Variants in FOXP1 observed in about 807,000 individuals in gnomAD.
FOXP1 encodes forkhead box protein P1.
In FOXP1, 15 loss-of-function variants were observed where a neutral mutation model predicts 98.2. The observed-to-expected ratio is 0.15, with a 90% CI of 0.10 to 0.24. The LOEUF (loss-of-function observed/expected upper bound fraction) is 0.24. Ranked by LOEUF, FOXP1 falls within the 10% of genes least tolerant of loss-of-function variation. The pLI, the probability that FOXP1 is intolerant of heterozygous loss-of-function variation, is 1.00. For missense variants in FOXP1, 633 were observed against 848.5 expected (o/e 0.75, Z 3.15); for synonymous variants, 371 against 314.5 (o/e 1.18, Z -1.90).
At chr3:71,318,109 T>C (rs2075183140) in intron 4 of FOXP1, among the ~76,000 whole-genome samples, 1 of 151,616 alleles carries the variant, frequency 6.6e-6, no homozygotes, top group African/African-American at 2.4e-5. Context: ...TTTTAAAAAA[T>C]GTAGTGATAA....
chr3:70,984,600 A>T (rs923891313), intron 14 of FOXP1, among the ~76,000 whole-genome samples: 15 of 152,186 alleles, frequency 9.9e-5, no homozygotes, highest in African/African-American at 3.4e-4. Flanking sequence ...CTCAAGAAAT[A>T]TTTGTTGATG....
chr3:71,465,333 G>A lies in FOXP1; in HGVS notation c.-168+28093C>T, dbSNP rs1417708443. On this transcript the variant is annotated intron_variant, in intron 3 of 20. Transcript: ENST00000649528. ...AGAAAAAAAAAAAAAAAAAGAAGAA[G>A]AAGAAGAAGAAGAAGAAGAGGGCCA... Among the ~76,000 whole-genome samples, 316 of 147,922 alleles carry A rather than the reference G, an allele frequency of 2.1e-3. 1 individual carries two copies. Among genetic ancestry groups the A allele is most frequent in the African/African-American group, 7.7e-3 (305 of 39,796 alleles).
At chr3:71,413,859 G>A (rs535603923) in intron 3 of FOXP1, among the ~76,000 whole-genome samples, 1 of 152,124 alleles carries the variant, frequency 6.6e-6, no homozygotes, top group Admixed American at 6.5e-5. Flanking sequence ...CTCGTTACCT[G>A]TAGGCACTTT....
intron 4 of FOXP1, among the ~76,000 whole-genome samples, chr3:71,325,704 C>T (rs1213567958): frequency 3.3e-5 from 5 of 151,512 alleles, no homozygotes; most frequent in Non-Finnish European, 1.5e-5. Context: ...AGGTGGGTCT[C>T]ACTATGTTGT....
intron 4 of FOXP1, among the ~76,000 whole-genome samples, chr3:71,341,935 T>C (rs1345830959): frequency 6.6e-6 from 1 of 152,218 alleles, no homozygotes; most frequent in Non-Finnish European, 1.5e-5. Flanking sequence ...ATGAGTCGCT[T>C]CTCAATGATT....
At chr3:71,241,807 C>G (rs1056230257) in intron 5 of FOXP1, among the ~76,000 whole-genome samples, 1 of 152,162 alleles carries the variant, frequency 6.6e-6, no homozygotes, top group Admixed American at 6.5e-5. Context: ...ATTAGCATAT[C>G]AAAGTGATTG....
At chr3:71,326,554 T>C (rs1175497618) in intron 4 of FOXP1, among the ~76,000 whole-genome samples, 2 of 152,112 alleles carry the variant, frequency 1.3e-5, no homozygotes, top group Admixed American at 6.5e-5. Context: ...TCAAGAGATG[T>C]GTTGTGAAAA....
At chr3:71,430,299 TA>T (rs1405102836) in intron 3 of FOXP1, among the ~76,000 whole-genome samples, 1 of 152,120 alleles carries the variant, frequency 6.6e-6, no homozygotes, top group Non-Finnish European at 1.5e-5. Context: ...GCACACACAG[TA>T]AAATGAGCAG....
In FOXP1 at chr3:71,359,603, C is replaced by T. The variant is rs2078410404; in HGVS notation, c.-167-359G>A. On this transcript the variant is annotated intron_variant, in intron 3 of 20. Transcript: ENST00000649528. Reference sequence around the variant, plus strand: ...TCGCTCTGCCACTCAGGCTGGAGTGCAGGGCACATTCAGGGCTCACTGCAG... The same window carrying T: ...TCGCTCTGCCACTCAGGCTGGAGTGTAGGGCACATTCAGGGCTCACTGCAG... Among the ~76,000 whole-genome samples, 3 of 152,122 alleles carry T rather than the reference C, an allele frequency of 2.0e-5. No individual in the cohort carries two copies. In the South Asian group the frequency reaches 6.2e-4, roughly 32 times the overall value.
chr3:71,317,749 T>G (rs903535973), intron 4 of FOXP1, among the ~76,000 whole-genome samples: 1 of 152,178 alleles, frequency 6.6e-6, no homozygotes, highest in African/African-American at 2.4e-5. Flanking sequence ...CAATTGTTAT[T>G]TTCTTAAGTG....
intron 6 of FOXP1, among the ~76,000 whole-genome samples, chr3:71,163,705 T>A (rs1362106652): frequency 6.6e-6 from 1 of 152,154 alleles, no homozygotes; most frequent in Non-Finnish European, 1.5e-5. Flanking sequence ...GTTTAGTTCA[T>A]CATTCCTATG....
intron 3 of FOXP1, among the ~76,000 whole-genome samples, chr3:71,454,791 C>G (rs1236500791): frequency 8.4e-6 from 1 of 118,892 alleles, no homozygotes; most frequent in African/African-American, 2.8e-5. Flanking sequence ...AACTTGTTTT[C>G]TTTAAAAAAA....
chr3:71,020,668 C>G (rs1175283793), intron 11 of FOXP1, among the ~76,000 whole-genome samples: 1 of 152,200 alleles, frequency 6.6e-6, no homozygotes, highest in Admixed American at 6.5e-5. Flanking sequence ...ATCTGCCAAG[C>G]CATTTCCTGC....
intron 20 of FOXP1, among the ~76,000 whole-genome samples, chr3:70,965,348 C>A (rs1257939382): frequency 6.6e-6 from 1 of 152,206 alleles, no homozygotes; most frequent in Non-Finnish European, 1.5e-5. Flanking sequence ...ACTCATTATA[C>A]TGCCGTCTGC....
intron 3 of FOXP1, among the ~76,000 whole-genome samples, chr3:71,464,451 G>A (rs2088486764): frequency 6.6e-6 from 1 of 152,182 alleles, no homozygotes; most frequent in African/African-American, 2.4e-5. Flanking sequence ...ACAAGTTGGA[G>A]TGCTCTCCTG....
chr3:71,252,571 A>C (rs532143569), intron 5 of FOXP1, among the ~76,000 whole-genome samples: 14 of 152,218 alleles, frequency 9.2e-5, no homozygotes, highest in Non-Finnish European at 2.1e-4. Flanking sequence ...GAAGAACAAC[A>C]ACAATGCCTC....
At chr3:71,313,770 C>T (rs559717948) in intron 4 of FOXP1, among the ~76,000 whole-genome samples, 1 of 152,244 alleles carries the variant, frequency 6.6e-6, no homozygotes, top group East Asian at 1.9e-4. Context: ...CGTGATCCGC[C>T]CACCTCGGCC....
chr3:71,329,559 C>T (rs1220355124), intron 4 of FOXP1, among the ~76,000 whole-genome samples: 1 of 148,654 alleles, frequency 6.7e-6, no homozygotes, highest in African/African-American at 2.5e-5. Context: ...ACAGGGTTGT[C>T]CCAGGGCATC....
chr3:71,560,636 C>T (rs2046463480), intron 2 of FOXP1, among the ~76,000 whole-genome samples: 1 of 151,968 alleles, frequency 6.6e-6, no homozygotes, highest in South Asian at 2.1e-4. Flanking sequence ...CCAAAACAGC[C>T]AAAAGTGGAA....
Sources: gnomAD v4.1 joint callset for allele counts (sites outside exome capture counted in the v4.1 genomes callset) on GRCh38, gnomAD v4.1.1 for gene constraint, MANE v1.5 for transcripts, NCBI Gene and HGNC (gene_info 2026-07-23, HGNC 2026-07-21) for gene names.